The following CHST15 variants were observed in gnomAD, a reference collection of about 807,000 sequenced individuals.
CHST15 encodes B cell RAG associated protein (GALNAC4S-6ST).
A neutral mutation model predicts 53.6 loss-of-function variants in CHST15; 30 were observed. That is an observed-to-expected ratio of 0.56 (90% CI 0.42 to 0.76). The LOEUF is 0.76. Among genes scored for constraint, CHST15 ranks in the 30% least tolerant of loss-of-function variants. The probability of loss-of-function intolerance (pLI) is 0.00; values close to 1 mark genes in which losing one functional copy is unlikely to be tolerated. For missense variants in CHST15, 627 were observed against 740.5 expected (o/e 0.85, Z 1.78); for synonymous variants, 296 against 289.8 (o/e 1.02, Z -0.22).
intron 1 of CHST15, among the ~76,000 whole-genome samples, 195 bp downstream of exon 1, chr10:124,093,274 C>A (rs1949663099): frequency 6.6e-6 from 1 of 151,632 alleles, no homozygotes; most frequent in Non-Finnish European, 1.5e-5. Flanking sequence ...CCGCCACCAC[C>A]GCGCCGGGAG....
At chr10:124,041,542 G>GC (rs1259925443) in intron 4 of CHST15, among the ~76,000 whole-genome samples, 2 of 151,712 alleles carry the variant, frequency 1.3e-5, no homozygotes, top group African/African-American at 2.4e-5. Flanking sequence ...CCACACACAC[G>GC]CCCCCCTCCC....
chr10:124,078,002 C>G (rs1010941768), intron 1 of CHST15, among the ~76,000 whole-genome samples: 1 of 152,194 alleles, frequency 6.6e-6, no homozygotes, highest in Non-Finnish European at 1.5e-5. Context: ...TTAAAAGCAC[C>G]TACAAGGGGC....
At chr10:124,090,574 A>C (rs1483336916) in intron 1 of CHST15, among the ~76,000 whole-genome samples, 1 of 152,162 alleles carries the variant, frequency 6.6e-6, no homozygotes, top group Non-Finnish European at 1.5e-5. Flanking sequence ...CCTTTCCCCA[A>C]ACACTTCTTC....
At chr10:124,016,228 C>G (rs977011059) in intron 6 of CHST15, among the ~76,000 whole-genome samples, 5 of 152,084 alleles carry the variant, frequency 3.3e-5, no homozygotes, top group African/African-American at 1.2e-4. Flanking sequence ...CCGGGTGCCA[C>G]AGGAAGGCGG....
At chr10:124,010,967 C>G (rs935629910) in intron 7 of CHST15, 1 of 985,278 alleles carries the variant, frequency 1.0e-6, no homozygotes, top group African/African-American at 1.7e-5. Context: ...CCCCCACGCC[C>G]CGCCCTCTGG....
At chr10:124,044,205 G>A (rs1479517110) in intron 3 of CHST15, among the ~76,000 whole-genome samples, 2 of 152,122 alleles carry the variant, frequency 1.3e-5, no homozygotes, top group Non-Finnish European at 2.9e-5. Context: ...ACAGAGCTGG[G>A]AGCGGCACAG....
Position 124,038,499 on chromosome 10 carries a change from C to T in CHST15, c.1190+16G>A. ...TCCTCTTCTCACCCCAAATACAACA[C>T]ACAGAAACTGCTCACCTCTCCACAG... On this transcript the variant is annotated intron_variant, in intron 5 of 7. Transcript: ENST00000435907. 4.3e-6 allele frequency: 7 copies of T among 1,612,264 alleles called. No individual in the cohort carries two copies. Among genetic ancestry groups the T allele is most frequent in the Non-Finnish European group, 5.9e-6 (7 of 1,178,384 alleles).
intron 1 of CHST15, among the ~76,000 whole-genome samples, chr10:124,089,715 C>T (rs1482131493): frequency 6.6e-6 from 1 of 152,144 alleles, no homozygotes; most frequent in Admixed American, 6.5e-5. Context: ...CCCTCCACTC[C>T]CTGACCCCTG....
chr10:124,035,184 T>TCCGCCCCCTAACGGGGACCCC (rs1947426221), intron 5 of CHST15, among the ~76,000 whole-genome samples: 3 of 92,238 alleles, frequency 3.3e-5, no homozygotes, highest in African/African-American at 3.9e-5. Context: ...ACGGGGACCC[T>TCCGCCCCCTAACGGGGACCCC]GGTTCCACCC....
intron 5 of CHST15, among the ~76,000 whole-genome samples, chr10:124,029,322 G>A (rs1947129357): frequency 2.0e-5 from 3 of 152,228 alleles, no homozygotes; most frequent in African/African-American, 7.2e-5. Context: ...GGTCACCTTA[G>A]ACTGAACACA....
At chr10:124,050,265 C>T (rs1057282596) in intron 1 of CHST15, among the ~76,000 whole-genome samples, 4 of 152,118 alleles carry the variant, frequency 2.6e-5, no homozygotes, top group African/African-American at 7.2e-5. Context: ...AGAGAGGAGG[C>T]CTGTTCCCAA....
At chr10:124,045,598 G>T in intron 2 of CHST15, 69 bp downstream of exon 2, 1 of 1,400,584 alleles carries the variant, frequency 7.1e-7, no homozygotes, top group South Asian at 1.4e-5. Context: ...CCCAAAGATG[G>T]TGATAGAAAG....
intron 7 of CHST15, chr10:124,010,677 C>G (rs1170130417): frequency 3.6e-5 from 35 of 985,340 alleles, no homozygotes; most frequent in Non-Finnish European, 3.9e-5. Flanking sequence ...GGTGTCAGCC[C>G]GTCCTTGGAG....
intron 1 of CHST15, among the ~76,000 whole-genome samples, chr10:124,072,802 C>T (rs1346490317): frequency 6.6e-6 from 1 of 152,170 alleles, no homozygotes; most frequent in Admixed American, 6.5e-5. Flanking sequence ...ACCACGTGGG[C>T]AGAACCCCAG....
At chr10:124,081,824 C>T (rs561688570) in intron 1 of CHST15, among the ~76,000 whole-genome samples, 1 of 152,274 alleles carries the variant, frequency 6.6e-6, no homozygotes, top group South Asian at 2.1e-4. Context: ...TCTTTCAATG[C>T]TTTCACCCAG....
At chr10:124,055,469 G>C (rs898318815) in intron 1 of CHST15, among the ~76,000 whole-genome samples, 1 of 152,148 alleles carries the variant, frequency 6.6e-6, no homozygotes, top group African/African-American at 2.4e-5. Flanking sequence ...CTTGCTTTCA[G>C]TGTGCATATA....
rs77396331 is a variant in CHST15 at position 124,079,422 on chromosome 10, T to G, written c.-513+14047A>C. 6.3e-3 allele frequency among the ~76,000 whole-genome samples: 958 copies of G among 152,352 alleles called. 10 individuals carry two copies. Among genetic ancestry groups the G allele is most frequent in the African/African-American group, 0.021 (861 of 41,586 alleles). On this transcript the variant is annotated intron_variant, in intron 1 of 7. Transcript: ENST00000435907. ...TGGGTGTGGTTTCCACAAGAAAGCC[T>G]GGCATTAACACGTCATTAACAAGGA...
Position 124,045,699 on chromosome 10 carries a change from C to T in CHST15, c.514G>A (p.Asp172Asn). ...RIEFTTRQLP[D>N]LEDLKKQELH... ...TCCTGCTTCTTAAGGTCTTCTAAGTCTGGGAGCTGTCTGGTCGTGAACTCA... is the reference window on the plus strand; with the variant it reads ...TCCTGCTTCTTAAGGTCTTCTAAGTTTGGGAGCTGTCTGGTCGTGAACTCA... Residue 172 changes from aspartate (D) to asparagine (N), a missense_variant, in exon 2 of 8, where the codon GAC (aspartate) becomes AAC (asparagine). Physicochemically the swap from Asp to Asn is conservative, Grantham distance 23. This residue lies in a region of CHST15 where 187 missense variants were observed against 251.8 expected (regional missense o/e 0.74). Coordinates refer to ENST00000435907, the MANE Select transcript of CHST15 (RefSeq NM_001270764.2). 2 of 1,610,318 alleles carry T rather than the reference C, an allele frequency of 1.2e-6. No individual in the cohort carries two copies. Among genetic ancestry groups the T allele is most frequent in the Non-Finnish European group, 1.7e-6 (2 of 1,177,672 alleles).
chr10:124,014,147 C>T (rs573152269), intron 6 of CHST15, among the ~76,000 whole-genome samples: 1 of 152,330 alleles, frequency 6.6e-6, no homozygotes, highest in Non-Finnish European at 1.5e-5. Flanking sequence ...ATTTTTTAGG[C>T]AGACACTCTC....
Sources: allele counts gnomAD v4.1 joint callset (sites outside exome capture counted in the v4.1 genomes callset), GRCh38; gene constraint gnomAD v4.1.1; regional missense constraint gnomAD v4.1.1; transcripts MANE v1.5; gene names NCBI Gene and HGNC (gene_info 2026-07-23, HGNC 2026-07-21).